The following TMX2 variants were observed in gnomAD, a reference collection of about 807,000 sequenced individuals.
TMX2 encodes thioredoxin-related transmembrane protein 2.
In TMX2, 20 loss-of-function variants were observed where a neutral mutation model predicts 33.4. That is an observed-to-expected ratio of 0.60 (90% CI 0.42 to 0.87). The LOEUF is 0.87. Ranked by LOEUF, TMX2 falls within the 40% of genes least tolerant of loss-of-function variation. The pLI, the probability that TMX2 is intolerant of heterozygous loss-of-function variation, is 0.00. For synonymous variants in TMX2, 166 were observed against 140.7 expected, an observed-to-expected ratio of 1.18 and a Z score of -1.27; for missense variants, 340 against 370.7, an observed-to-expected ratio of 0.92 and a Z score of 0.68.
At chr11:57,739,829 T>C (rs1336129232) in intron 7 of TMX2, among the ~76,000 whole-genome samples, 1 of 152,212 alleles carries the variant, frequency 6.6e-6, no homozygotes, top group Non-Finnish European at 1.5e-5. Flanking sequence ...TGTCAGTTAA[T>C]TGGAGGTAAT....
chr11:57,738,054 T>A, intron 3 of TMX2, 28 bp downstream of exon 3: 2 of 1,542,826 alleles, frequency 1.3e-6, no homozygotes, highest in Non-Finnish European at 1.7e-6. Context: ...CTTTCTTTTT[T>A]TTTTTTTGTA....
chr11:57,717,969 G>A lies in TMX2; in HGVS notation c.189+5162G>A, dbSNP rs970786907. ...TAGGATACTGCGAGCAAATGGGGTA[G>A]AGGGGTGCTCTCCTGAGAGGAGAGC... On this transcript the variant is annotated intron_variant, in intron 1 of 7. Transcript: ENST00000278422. 8.2e-6 allele frequency: 6 copies of A among 736,114 alleles called. No individual in the cohort carries two copies. In the Admixed American group the frequency reaches 1.1e-4, roughly 14 times the overall value. 45.6% of individuals were successfully genotyped at this position (736,114 alleles called of 1,614,324 possible).
intron 1 of TMX2, among the ~76,000 whole-genome samples, chr11:57,734,782 A>G (rs925355144): frequency 6.6e-6 from 1 of 152,010 alleles, no homozygotes; most frequent in African/African-American, 2.4e-5. Flanking sequence ...ATAAAAATAA[A>G]TAAAATTAAT....
At chr11:57,739,354 C>A in intron 7 of TMX2, 94 bp downstream of exon 7, 1 of 1,365,964 alleles carries the variant, frequency 7.3e-7, no homozygotes. Context: ...CTGCCACTTG[C>A]CCATTAGCTT....
intron 2 of TMX2, 33 bp downstream of exon 2, chr11:57,737,701 A>G (rs753175176): frequency 6.2e-7 from 1 of 1,601,774 alleles, no homozygotes; most frequent in Non-Finnish European, 8.6e-7. Context: ...ACTCAAGGTT[A>G]GATCTAATGC....
intron 1 of TMX2, chr11:57,718,659 T>C (rs1947342631): frequency 3.2e-6 from 1 of 310,468 alleles, no homozygotes. Context: ...CCCTCTTTTT[T>C]TTTTTTTTTT....
At chr11:57,736,975 A>G (rs1025153934) in intron 1 of TMX2, among the ~76,000 whole-genome samples, 9 of 152,204 alleles carry the variant, frequency 5.9e-5, no homozygotes, top group African/African-American at 2.2e-4. Flanking sequence ...GTTTTATTCT[A>G]CCAGCGTCAC....
At chr11:57,729,465 G>A (rs551129831) in intron 1 of TMX2, among the ~76,000 whole-genome samples, 1 of 152,260 alleles carries the variant, frequency 6.6e-6, no homozygotes, top group South Asian at 2.1e-4. Context: ...AACTGTGTGT[G>A]TGTGTATTTA....
chr11:57,724,266 T>A (rs1417447246), intron 1 of TMX2, among the ~76,000 whole-genome samples: 1 of 152,128 alleles, frequency 6.6e-6, no homozygotes, highest in Non-Finnish European at 1.5e-5. Flanking sequence ...GGCCAGATAA[T>A]GCCATTATAA....
chr11:57,718,350 A>G, intron 1 of TMX2: 1 of 1,526,444 alleles, frequency 6.6e-7, no homozygotes, highest in Non-Finnish European at 9.1e-7. Flanking sequence ...ACCACCTGAT[A>G]CATAAACCCT....
chr11:57,738,596 T>C, intron 4 of TMX2, 68 bp from the exon 5 acceptor site: 1 of 1,398,666 alleles, frequency 7.1e-7, no homozygotes, highest in Non-Finnish European at 1.0e-6. Flanking sequence ...AGGAATTAGA[T>C]GCTAAAGTCT....
intron 4 of TMX2, 84 bp downstream of exon 4, chr11:57,738,514 C>T (rs1948887163): frequency 7.9e-7 from 1 of 1,271,574 alleles, no homozygotes; most frequent in African/African-American, 1.5e-5. Context: ...GGAGGAACAA[C>T]AGTGCTTCAA....
intron 1 of TMX2, among the ~76,000 whole-genome samples, chr11:57,726,495 A>G (rs1555018569): frequency 6.6e-6 from 1 of 150,852 alleles, no homozygotes; most frequent in African/African-American, 2.4e-5. Context: ...TTTTTTACTT[A>G]ATAATTTTAA....
chr11:57,719,514 CTT>C (rs1183104624), intron 1 of TMX2, among the ~76,000 whole-genome samples: 6 of 70,508 alleles, frequency 8.5e-5, no homozygotes, highest in African/African-American at 2.2e-4. Context: ...TTTTCTTTGT[CTT>C]TTTTTTTTTT....
intron 1 of TMX2, among the ~76,000 whole-genome samples, chr11:57,713,894 G>T (rs1946801860): frequency 6.6e-6 from 1 of 152,212 alleles, no homozygotes; most frequent in Admixed American, 6.5e-5. Context: ...CTGTCCAGGT[G>T]TGTTGACAGG....
intron 1 of TMX2, chr11:57,718,580 A>G (rs982777924): frequency 3.0e-5 from 18 of 595,998 alleles, no homozygotes; most frequent in African/African-American, 1.3e-4. Context: ...TCTTTGCCCA[A>G]CTTTTTATAT....
chr11:57,738,809 G>A (rs376751043), intron 5 of TMX2, 39 bp downstream of exon 5: 3 of 1,579,990 alleles, frequency 1.9e-6, no homozygotes, highest in African/African-American at 2.7e-5. Context: ...AAATGGAGAT[G>A]CTGTGCCTTC....
intron 1 of TMX2, among the ~76,000 whole-genome samples, chr11:57,725,447 T>G (rs1947913914): frequency 6.6e-6 from 1 of 152,044 alleles, no homozygotes; most frequent in African/African-American, 2.4e-5. Flanking sequence ...TAAAATTAGG[T>G]CAAGATTGGC....
rs372231423 is a variant in TMX2 at position 57,737,594 on chromosome 11, C to T, written c.190-14C>T. On this transcript the variant is annotated splice_polypyrimidine_tract_variant and intron_variant, in intron 1 of 7. Transcript: ENST00000278422. ...TCACTGCATTCCTGTTATAATACTT[C>T]GATTCTGTTCCAGAGAGAAGTGGAG... is the stretch of plus-strand genomic sequence containing the variant. The T allele has an allele frequency of 1.6e-5, 26 of 1,612,282 alleles. No individual in the cohort carries two copies. Among genetic ancestry groups the T allele is most frequent in the African/African-American group, 5.3e-5 (4 of 74,972 alleles).
Sources: allele counts gnomAD v4.1 joint callset (sites outside exome capture counted in the v4.1 genomes callset), GRCh38; gene constraint gnomAD v4.1.1; transcripts MANE v1.5; gene names NCBI Gene and HGNC (gene_info 2026-07-23, HGNC 2026-07-21).